The following FAM174A variants were observed in gnomAD, a reference collection of about 807,000 sequenced individuals.
FAM174A encodes the protein membrane protein FAM174A.
A neutral mutation model predicts 14.3 loss-of-function variants in FAM174A; 14 were observed. The ratio of observed to expected loss-of-function variants is 0.98; its 90% CI spans 0.65 to 1.53. FAM174A has a LOEUF of 1.53. Ranked by LOEUF, FAM174A falls within the 40% of genes most tolerant of loss-of-function variation. The pLI is 0.00. For missense variants in FAM174A, 241 were observed against 249.6 expected, an observed-to-expected ratio of 0.97 and a Z score of 0.23; for synonymous variants, 108 against 111.4, an observed-to-expected ratio of 0.97 and a Z score of 0.19.
At chr5:100,558,488 A>G (rs1420460933) in intron 1 of FAM174A, among the ~76,000 whole-genome samples, 1 of 152,112 alleles carries the variant, frequency 6.6e-6, no homozygotes, top group Admixed American at 6.6e-5. Context: ...GTTCCTGGAT[A>G]TCCTTTTTAA....
intron 2 of FAM174A, among the ~76,000 whole-genome samples, chr5:100,569,768 G>A (rs1038094559): frequency 1.3e-5 from 2 of 151,694 alleles, no homozygotes; most frequent in African/African-American, 4.8e-5. Flanking sequence ...ATACAATAGT[G>A]CACAAAAATG....
intron 1 of FAM174A, among the ~76,000 whole-genome samples, chr5:100,556,593 T>G (rs1746389462): frequency 6.6e-6 from 1 of 152,218 alleles, no homozygotes; most frequent in Non-Finnish European, 1.5e-5. Context: ...GTTCTTCCAT[T>G]TCTTTGTATC....
chr5:100,542,769 G>A (rs1746084292), intron 1 of FAM174A, among the ~76,000 whole-genome samples: 1 of 152,140 alleles, frequency 6.6e-6, no homozygotes, highest in East Asian at 1.9e-4. Context: ...CAAGGTGGGA[G>A]GATCTCTTGA....
chr5:100,570,962 T>G (rs570204813), intron 2 of FAM174A, among the ~76,000 whole-genome samples: 1 of 152,064 alleles, frequency 6.6e-6, no homozygotes, highest in South Asian at 2.1e-4. Flanking sequence ...TTTTCCTTTC[T>G]GTAAATAAAC....
chr5:100,568,362 G>A (rs1453426867), intron 2 of FAM174A, among the ~76,000 whole-genome samples: 1 of 151,798 alleles, frequency 6.6e-6, no homozygotes. Context: ...TCTCCATAGA[G>A]CCCTGGTTTC....
At chr5:100,556,510 T>G (rs1746387127) in intron 1 of FAM174A, among the ~76,000 whole-genome samples, 1 of 152,222 alleles carries the variant, frequency 6.6e-6, no homozygotes, top group Non-Finnish European at 1.5e-5. Context: ...GGGATGGCAT[T>G]GAATCTATAA....
chr5:100,559,538 A>T (rs961984439), intron 1 of FAM174A, among the ~76,000 whole-genome samples: 1 of 152,078 alleles, frequency 6.6e-6, no homozygotes, highest in Admixed American at 6.6e-5. Flanking sequence ...TATCCTGCAG[A>T]GTATTTTCCA....
In FAM174A at chr5:100,535,798, G is replaced by A. The variant is rs1745931183; in HGVS notation, c.268G>A (p.Gly90Arg). 1 of 1,608,694 alleles carries A rather than the reference G, an allele frequency of 6.2e-7. No homozygotes were observed. Among genetic ancestry groups the A allele is most frequent in the South Asian group, 1.1e-5 (1 of 90,944 alleles). The change falls in exon 1 of 3, where the codon GGG becomes AGG. Residue 90 changes from glycine to arginine, a missense_variant. Physicochemically the swap from Gly to Arg is moderately radical, Grantham distance 125 (BLOSUM62 -2). Coordinates refer to ENST00000312637, the MANE Select transcript of FAM174A (RefSeq NM_198507.3). ...AGGCAATGGCAGCAACCCTGTGGCCGGGCTTGAGACGGACGATCACGGAGG... is the reference window on the plus strand; with the variant it reads ...AGGCAATGGCAGCAACCCTGTGGCCAGGCTTGAGACGGACGATCACGGAGG... ...EGGNGSNPVA[G>R]LETDDHGGKA...
At chr5:100,563,094 C>CT (rs1256951468) in intron 2 of FAM174A, among the ~76,000 whole-genome samples, 1 of 151,802 alleles carries the variant, frequency 6.6e-6, no homozygotes, top group Non-Finnish European at 1.5e-5. Context: ...ATCCATCTAT[C>CT]TATCTAAGCT....
chr5:100,564,640 G>C (rs962527578), intron 2 of FAM174A, among the ~76,000 whole-genome samples: 2 of 151,426 alleles, frequency 1.3e-5, no homozygotes, highest in Non-Finnish European at 3.0e-5. Flanking sequence ...CCATTAGCTA[G>C]ACTAAGCAAA....
intron 1 of FAM174A, among the ~76,000 whole-genome samples, chr5:100,544,104 G>A (rs1200063461): frequency 6.6e-6 from 1 of 152,166 alleles, no homozygotes; most frequent in Non-Finnish European, 1.5e-5. Flanking sequence ...GCTTATGCCT[G>A]TAATCCCAGC....
At chr5:100,553,782 G>A (rs1266499023) in intron 1 of FAM174A, among the ~76,000 whole-genome samples, 1 of 152,098 alleles carries the variant, frequency 6.6e-6, no homozygotes, top group African/African-American at 2.4e-5. Context: ...AACCAATGCA[G>A]CCAAATGTTT....
Position 100,575,274 on chromosome 5 carries a change from TG to T in FAM174A, c.570-10906del, listed in dbSNP as rs777213192. ...TATATATATATATTTTATTATACTT[TG>T]AGTTCTAGGGTACATGTGCACAATG... On this transcript the variant is annotated intron_variant, in intron 2 of 2. Coordinates refer to ENST00000312637, the MANE Select transcript of FAM174A (RefSeq NM_198507.3). 5.6e-4 allele frequency among the ~76,000 whole-genome samples: 85 copies of T among 152,172 alleles called. No homozygotes were observed. In the Middle Eastern group the frequency reaches 0.014, roughly 24 times the overall value.
At chr5:100,564,966 T>C (rs913651818) in intron 2 of FAM174A, among the ~76,000 whole-genome samples, 1 of 151,904 alleles carries the variant, frequency 6.6e-6, no homozygotes, top group Non-Finnish European at 1.5e-5. Context: ...TTAATACTCG[T>C]CCTTCTCAAA....
chr5:100,581,111 G>T (rs1448023232), intron 2 of FAM174A, among the ~76,000 whole-genome samples: 2 of 152,040 alleles, frequency 1.3e-5, no homozygotes, highest in Non-Finnish European at 2.9e-5. Context: ...TGTATTTTTA[G>T]TAGAGGCGGG....
intron 1 of FAM174A, among the ~76,000 whole-genome samples, chr5:100,538,013 A>G (rs1022389834): frequency 6.6e-6 from 1 of 152,146 alleles, no homozygotes; most frequent in Non-Finnish European, 1.5e-5. Context: ...ACTTGGTAAC[A>G]TGATGTGTGT....
At chr5:100,539,567 C>T (rs1746010446) in intron 1 of FAM174A, among the ~76,000 whole-genome samples, 1 of 152,148 alleles carries the variant, frequency 6.6e-6, no homozygotes, top group Non-Finnish European at 1.5e-5. Context: ...TATAATACCG[C>T]ATACTTTATG....
At chr5:100,545,395 A>G (rs1360804199) in intron 1 of FAM174A, among the ~76,000 whole-genome samples, 9 of 152,122 alleles carry the variant, frequency 5.9e-5, no homozygotes, top group Non-Finnish European at 1.3e-4. Flanking sequence ...TTTTATTGCT[A>G]TATTCTTTAA....
intron 2 of FAM174A, among the ~76,000 whole-genome samples, chr5:100,574,891 A>C (rs975304997): frequency 5.9e-5 from 9 of 152,196 alleles, no homozygotes; most frequent in African/African-American, 2.2e-4. Context: ...ACACACCCTT[A>C]CTGCAGGACG....
Sources: allele counts gnomAD v4.1 joint callset (sites outside exome capture counted in the v4.1 genomes callset), GRCh38; gene constraint gnomAD v4.1.1; transcripts MANE v1.5; gene names NCBI Gene and HGNC (gene_info 2026-07-23, HGNC 2026-07-21).